Variants in ERICH6 observed in about 807,000 individuals in gnomAD.
The protein encoded by ERICH6 is glutamate rich 6, also known as glutamate-rich protein 6.
Under a neutral mutation model 71.0 loss-of-function variants are expected in ERICH6, and 71 were observed. The observed-to-expected ratio is 1.00, with a 90% CI of 0.83 to 1.22. ERICH6 has a LOEUF of 1.22. Ranked by LOEUF, ERICH6 falls within the 50% of genes most tolerant of loss-of-function variation. The pLI is 0.00. For synonymous variants in ERICH6, 262 were observed against 278.4 expected (o/e 0.94, Z 0.59); for missense variants, 808 against 797.2 (o/e 1.01, Z -0.16).
chr3:150,680,964 G>A (rs901504325), intron 7 of ERICH6, 34 bp from the exon 8 acceptor site: 20 of 1,566,182 alleles, frequency 1.3e-5, no homozygotes, highest in Non-Finnish European at 1.7e-5. Context: ...CATCTCATTA[G>A]TCCTAGATGA....
At chr3:150,699,929 T>TA (rs80338238) in intron 2 of ERICH6, among the ~76,000 whole-genome samples, 56,952 of 151,924 alleles carry the variant, frequency 0.37, 10,978 homozygotes, top group East Asian at 0.45. Context: ...AGAATCTACC[T>TA]AAGAGGTCCA....
At chr3:150,686,455 GTTTCT>G in intron 3 of ERICH6, 101 bp from the exon 4 acceptor site, 1 of 938,000 alleles carries the variant, frequency 1.1e-6, no homozygotes, top group Admixed American at 2.4e-5. Flanking sequence ...CCCTTACTAT[GTTTCT>G]TTTATCTTTT....
intron 11 of ERICH6, among the ~76,000 whole-genome samples, chr3:150,673,412 C>A (rs1711536596): frequency 1.3e-5 from 2 of 152,104 alleles, no homozygotes; most frequent in Non-Finnish European, 2.9e-5. Context: ...TGATCTCAAA[C>A]CCCTGGGCTC....
At position 150,680,938 on chromosome 3, in the gene ERICH6, A is replaced by G. The variant is rs1416724891; in HGVS notation, c.883-8T>C. ...AGCAATACAACAGGAGGCCTGGAAA[A>G]CACAGAAGTTACTCTCATCTCATTA... On this transcript the variant is annotated splice_region_variant and splice_polypyrimidine_tract_variant and intron_variant, in intron 7 of 13. Transcript: ENST00000295910. The G allele has an allele frequency of 2.5e-6, 4 of 1,603,402 alleles. No individual in the cohort carries two copies. The highest frequency in any genetic ancestry group is 3.4e-6 in the Non-Finnish European group (4 of 1,175,728).
chr3:150,663,355 C>T (rs75729037), intron 13 of ERICH6, among the ~76,000 whole-genome samples: 12,870 of 152,154 alleles, frequency 0.085, 703 homozygotes, highest in Non-Finnish European at 0.12. Flanking sequence ...AAACTACTCC[C>T]GAGTTTTTGT....
chr3:150,661,499 A>G (rs1219152092), intron 13 of ERICH6, among the ~76,000 whole-genome samples: 1 of 152,252 alleles, frequency 6.6e-6, no homozygotes, highest in Non-Finnish European at 1.5e-5. Context: ...GAGAGGCACC[A>G]GATTTACCTA....
At chr3:150,677,302 G>A (rs548539659) in intron 10 of ERICH6, among the ~76,000 whole-genome samples, 30 of 152,038 alleles carry the variant, frequency 2.0e-4, no homozygotes, top group Middle Eastern at 3.4e-3. Flanking sequence ...ATTTAATTAC[G>A]AGAGGTCTAT....
intron 13 of ERICH6, among the ~76,000 whole-genome samples, chr3:150,665,548 C>T (rs887371901): frequency 4.3e-5 from 6 of 140,382 alleles, no homozygotes; most frequent in Non-Finnish European, 9.1e-5. Context: ...CGAAACAGGC[C>T]GGGAGTGGTG....
intron 11 of ERICH6, among the ~76,000 whole-genome samples, chr3:150,670,224 C>T (rs1711498078): frequency 6.6e-6 from 1 of 152,098 alleles, no homozygotes; most frequent in Admixed American, 6.5e-5. Context: ...GTGGCTCACA[C>T]CTGTAATCTC....
intron 2 of ERICH6, among the ~76,000 whole-genome samples, chr3:150,699,869 C>A (rs565959430): frequency 6.6e-6 from 1 of 152,002 alleles, no homozygotes; most frequent in Admixed American, 6.5e-5. Context: ...AAACAAACAT[C>A]AAAAATCCTG....
Position 150,666,775 on chromosome 3 carries a change from A to T in ERICH6, c.1728+12T>A. On this transcript the variant is annotated intron_variant, in intron 13 of 13. Transcript: ENST00000295910. Reference sequence around the variant, plus strand: ...TCTAAATGCTTTAAACTGTTTTTAAAAATGTACCTACCTTCACTTTGGTTC... The same window carrying T: ...TCTAAATGCTTTAAACTGTTTTTAATAATGTACCTACCTTCACTTTGGTTC... 1 of 1,608,632 alleles carries T rather than the reference A, an allele frequency of 6.2e-7. No homozygotes were observed. The highest frequency in any genetic ancestry group is 8.5e-7 in the Non-Finnish European group (1 of 1,177,230).
At chr3:150,683,953 G>A (rs1296985734) in intron 6 of ERICH6, among the ~76,000 whole-genome samples, 1 of 152,234 alleles carries the variant, frequency 6.6e-6, no homozygotes, top group Non-Finnish European at 1.5e-5. Flanking sequence ...CCAGTTCAGG[G>A]ACGTCTTGGG....
At chr3:150,674,859 G>A (rs529806908) in intron 10 of ERICH6, among the ~76,000 whole-genome samples, 29 of 151,816 alleles carry the variant, frequency 1.9e-4, no homozygotes, top group South Asian at 1.9e-3. Context: ...AGTGCTGGGC[G>A]CAGTGGCTCA....
chr3:150,666,908 T>C lies in ERICH6; in HGVS notation c.1607A>G (p.Lys536Arg). The change falls in exon 13 of 14, where the codon AAA (lysine) becomes AGA (arginine). Residue 536 changes from lysine to arginine, a missense_variant. This residue lies in a region of ERICH6 where 736 missense variants were observed against 712.2 expected (regional missense o/e 1.03). Transcript: ENST00000295910. ...ACGGTTCAAAGCCAGAAAGACAGGT[T>C]TAAATGAAACAAAGGGTGAGGAAGT... ...SITSSPFVSF[K>R]PVFLALNRYI... is the part of the protein sequence containing the mutation. 6.2e-7 allele frequency: 1 copy of C among 1,614,146 alleles called. No homozygotes were observed. Among genetic ancestry groups the C allele is most frequent in the Non-Finnish European group, 8.5e-7 (1 of 1,180,020 alleles).
intron 7 of ERICH6, among the ~76,000 whole-genome samples, chr3:150,681,807 C>CTTTTTTTTTTT (rs34909258): frequency 2.8e-5 from 2 of 70,262 alleles, no homozygotes; most frequent in African/African-American, 1.2e-4. Context: ...ACACATAACT[C>CTTTTTTTTTTT]TTTTTTTTTT....
chr3:150,699,123 C>T (rs1559922007), intron 2 of ERICH6, among the ~76,000 whole-genome samples: 1 of 152,028 alleles, frequency 6.6e-6, no homozygotes. Context: ...CCAGCCTAGG[C>T]AGCATGGTGA....
At chr3:150,694,294 A>C (rs1712569909) in intron 3 of ERICH6, among the ~76,000 whole-genome samples, 1 of 152,152 alleles carries the variant, frequency 6.6e-6, no homozygotes. Flanking sequence ...AAGATGAAAC[A>C]TCTTTAAAAG....
chr3:150,680,934 G>A lies in ERICH6; in HGVS notation c.883-4C>T. ...GGAAAGCAATACAACAGGAGGCCTG[G>A]AAAACACAGAAGTTACTCTCATCTC... is the stretch of plus-strand genomic sequence containing the variant. On this transcript the variant is annotated splice_region_variant and splice_polypyrimidine_tract_variant and intron_variant, in intron 7 of 13. Transcript: ENST00000295910. 1.2e-6 allele frequency: 2 copies of A among 1,604,262 alleles called. No individual in the cohort carries two copies. The highest frequency in any genetic ancestry group is 1.7e-6 in the Non-Finnish European group (2 of 1,176,110).
chr3:150,682,246 A>G lies in ERICH6; in HGVS notation c.854T>C (p.Val285Ala). 2 of 1,614,032 alleles carry G rather than the reference A, an allele frequency of 1.2e-6. No individual in the cohort carries two copies. Among genetic ancestry groups the G allele is most frequent in the African/African-American group, 1.3e-5 (1 of 75,036 alleles). The change falls in exon 7 of 14, where the codon GTG (valine) becomes GCG (alanine). Residue 285 changes from valine to alanine, a missense_variant. Val to Ala is a moderately conservative substitution (Grantham distance 64). This residue lies in a region of ERICH6 where 736 missense variants were observed against 712.2 expected (regional missense o/e 1.03). Transcript: ENST00000295910. ...GSDLRAFFSN[V>A]DVSSEPKGHA... ...CCCTTTTGGTTCAGAGGAAACATCC[A>G]CATTAGAAAAAAATGCTCTTAGATC...
Sources: gnomAD v4.1 joint callset for allele counts (sites outside exome capture counted in the v4.1 genomes callset) on GRCh38, gnomAD v4.1.1 for gene constraint, gnomAD v4.1.1 regional missense constraint, MANE v1.5 for transcripts, NCBI Gene and HGNC (gene_info 2026-07-23, HGNC 2026-07-21) for gene names.